PPP2R5A: variants seen among roughly 807,000 people sequenced by gnomAD.
The protein encoded by PPP2R5A is protein phosphatase 2 regulatory subunit B'alpha, also known as serine/threonine-protein phosphatase 2A 56 kDa regulatory subunit alpha isoform.
A neutral mutation model predicts 64.2 loss-of-function variants in PPP2R5A; 25 were observed. The ratio of observed to expected loss-of-function variants is 0.39; its 90% CI spans 0.28 to 0.54. PPP2R5A has a LOEUF of 0.54. Among genes scored for constraint, PPP2R5A ranks in the 20% least tolerant of loss-of-function variants. The pLI, the probability that PPP2R5A is intolerant of heterozygous loss-of-function variation, is 0.67. For synonymous variants in PPP2R5A, 198 were observed against 201.2 expected (o/e 0.98, Z 0.13); for missense variants, 425 against 576.3 (o/e 0.74, Z 2.69).
intron 4 of PPP2R5A, among the ~76,000 whole-genome samples, chr1:212,342,522 T>TA (rs1206324654): frequency 6.6e-6 from 1 of 152,240 alleles, no homozygotes; most frequent in African/African-American, 2.4e-5. Context: ...TTATCATAGT[T>TA]ATTTTATAAA....
intron 12 of PPP2R5A, 71 bp downstream of exon 12, chr1:212,358,858 GGT>G: frequency 1.6e-6 from 2 of 1,233,562 alleles, no homozygotes; most frequent in Non-Finnish European, 2.3e-6. Context: ...AGTTCAGGAA[GGT>G]ATCTTCTCTC....
chr1:212,315,862 A>C (rs933624742), intron 1 of PPP2R5A, among the ~76,000 whole-genome samples: 8 of 152,166 alleles, frequency 5.3e-5, no homozygotes, highest in Non-Finnish European at 1.5e-5. Flanking sequence ...TCTGTGTCAC[A>C]TTTTGGAGAT....
intron 4 of PPP2R5A, among the ~76,000 whole-genome samples, chr1:212,343,127 A>G (rs918609453): frequency 4.0e-5 from 6 of 149,580 alleles, no homozygotes; most frequent in South Asian, 4.2e-4. Flanking sequence ...TTTTTTTTCT[A>G]TTTCTAGTAG....
At chr1:212,297,825 C>CTTTTTTTTTTTTTTTTTTTTTTTTTT (rs1368421837) in intron 1 of PPP2R5A, 1 of 22,120 alleles carries the variant, frequency 4.5e-5, no homozygotes, top group Non-Finnish European at 7.6e-5. Context: ...TTTTTTTTTT[C>CTTTTTTTTTTTTTTTTTTTTTTTTTT]TTTTTTATTT....
intron 1 of PPP2R5A, among the ~76,000 whole-genome samples, chr1:212,300,349 G>A (rs1242306184): frequency 4.6e-5 from 7 of 152,128 alleles, no homozygotes; most frequent in Admixed American, 6.5e-5. Context: ...TACTTGCTGT[G>A]AGTCATCAGC....
chr1:212,302,240 A>T (rs1658811275), intron 1 of PPP2R5A: 1 of 738,726 alleles, frequency 1.4e-6, no homozygotes, highest in Non-Finnish European at 2.0e-6. Flanking sequence ...ATCTTACTGT[A>T]TTGTATTAAA....
chr1:212,295,936 C>T (rs963139397), intron 1 of PPP2R5A, among the ~76,000 whole-genome samples: 7 of 152,082 alleles, frequency 4.6e-5, no homozygotes, highest in East Asian at 1.9e-4. Context: ...TTAAAAATTA[C>T]TATAGCTACT....
chr1:212,357,817 A>AAAAAG lies in PPP2R5A; in HGVS notation c.1226+534_1226+535insAAAGA, dbSNP rs1410466303. On this transcript the variant is annotated intron_variant, in intron 11 of 12. Coordinates refer to ENST00000261461, the MANE Select transcript of PPP2R5A (RefSeq NM_006243.4). ...GATTCCGTCTCCAAAAAAAAAAAAAAAGAGAGTCTTGCTCTGTTGCCCAGA... is the reference window on the plus strand; with the variant it reads ...GATTCCGTCTCCAAAAAAAAAAAAAAAAAAGAGAGAGTCTTGCTCTGTTGCCCAGA... 8 of 151,784 alleles carry AAAAAG rather than the reference A, an allele frequency of 5.3e-5. No individual in the cohort carries two copies. The East Asian group carries it at 7.8e-4, about 15-fold the overall frequency. The allele number at this position is 151,784 out of a possible 1,614,324, so 9.4% of individuals were successfully genotyped here.
chr1:212,307,827 T>C (rs1265930416), intron 1 of PPP2R5A, among the ~76,000 whole-genome samples: 1 of 152,168 alleles, frequency 6.6e-6, no homozygotes, highest in Non-Finnish European at 1.5e-5. Context: ...AACGTCTTCA[T>C]TTTGCCTTCA....
In PPP2R5A at chr1:212,297,096, C is replaced by CTTTTTTTTTTTTTTTTTT. The variant is rs869112186; in HGVS notation, c.181+10830_181+10847dup. 7.3e-5 allele frequency among the ~76,000 whole-genome samples: 6 copies of CTTTTTTTTTTTTTTTTTT among 82,636 alleles called. 1 individual carries two copies. The highest frequency in any genetic ancestry group is 1.2e-4 in the Non-Finnish European group (5 of 40,428). 54.2% of individuals were successfully genotyped at this position (82,636 alleles called of 152,430 possible). A position where few individuals can be genotyped will look rare whatever the true frequency, so the allele number is the denominator to read the frequency against. On this transcript the variant is annotated intron_variant, in intron 1 of 12. Coordinates refer to ENST00000261461, the MANE Select transcript of PPP2R5A (RefSeq NM_006243.4). The stretch of plus-strand genomic sequence containing the variant: ...TTTCTTTTCTTTTTCTTTGCTTCTT[C>CTTTTTTTTTTTTTTTTTT]TTTTTTTTTTTTTTTTTTTTTTTTT...
At chr1:212,341,679 G>C (rs1473759140) in intron 3 of PPP2R5A, among the ~76,000 whole-genome samples, 1 of 152,104 alleles carries the variant, frequency 6.6e-6, no homozygotes, top group Non-Finnish European at 1.5e-5. Flanking sequence ...AAATCTCAAA[G>C]TTTATCAGCT....
chr1:212,286,353 C>G, intron 1 of PPP2R5A, 62 bp downstream of exon 1: 1 of 1,383,378 alleles, frequency 7.2e-7, no homozygotes, highest in South Asian at 1.6e-5. Flanking sequence ...TGCCTCTGCG[C>G]CAGCAGAGCC....
At chr1:212,287,430 G>A (rs1658524130) in intron 1 of PPP2R5A, among the ~76,000 whole-genome samples, 1 of 152,134 alleles carries the variant, frequency 6.6e-6, no homozygotes, top group South Asian at 2.1e-4. Context: ...TGTGAATCCA[G>A]CCTTAGTTTG....
intron 6 of PPP2R5A, 79 bp downstream of exon 6, chr1:212,347,485 G>A: frequency 2.8e-6 from 3 of 1,055,432 alleles, no homozygotes; most frequent in South Asian, 1.4e-5. Flanking sequence ...TGGGGTTGGA[G>A]AAATTATGTC....
chr1:212,305,333 A>G (rs1362380474), intron 1 of PPP2R5A, among the ~76,000 whole-genome samples: 2 of 151,900 alleles, frequency 1.3e-5, no homozygotes, highest in Non-Finnish European at 2.9e-5. Flanking sequence ...CCAGCCCCCA[A>G]TTTTTTAATG....
Position 212,286,108 on chromosome 1 carries a change from G to T in PPP2R5A, c.-3G>T. On this transcript the variant is annotated 5_prime_UTR_variant, in exon 1 of 13. Coordinates refer to ENST00000261461, the MANE Select transcript of PPP2R5A (RefSeq NM_006243.4). ...GGAGCTGCCAAGCGTCAGGGCCGCG[G>T]AGATGTCGTCGTCGTCGCCGCCGGC... The T allele has an allele frequency of 1.3e-6, 2 of 1,563,158 alleles. No homozygotes were observed. Among genetic ancestry groups the T allele is most frequent in the African/African-American group, 1.4e-5 (1 of 72,994 alleles).
chr1:212,360,172 A>G (rs369610560), intron 12 of PPP2R5A, among the ~76,000 whole-genome samples: 3 of 152,348 alleles, frequency 2.0e-5, no homozygotes, highest in African/African-American at 4.8e-5. Context: ...AAGAGGAGCT[A>G]GTAAGATACA....
At chr1:212,330,248 G>C (rs543743013) in intron 2 of PPP2R5A, among the ~76,000 whole-genome samples, 2 of 152,228 alleles carry the variant, frequency 1.3e-5, no homozygotes, top group South Asian at 4.1e-4. Context: ...ATTCAGGCCA[G>C]TGCAGTGGCT....
At chr1:212,328,962 G>T (rs1484642806) in intron 1 of PPP2R5A, among the ~76,000 whole-genome samples, 173 bp from the exon 2 acceptor site, 1 of 151,964 alleles carries the variant, frequency 6.6e-6, no homozygotes, top group Non-Finnish European at 1.5e-5. Context: ...TAATGAGGGA[G>T]AGAGAAGAGT....
Sources: allele counts gnomAD v4.1 joint callset (sites outside exome capture counted in the v4.1 genomes callset), GRCh38; gene constraint gnomAD v4.1.1; transcripts MANE v1.5; gene names NCBI Gene and HGNC (gene_info 2026-07-23, HGNC 2026-07-21).